Variants in STAB2 observed in about 807,000 individuals in gnomAD.
The protein encoded by STAB2 is stabilin-2.
Under a neutral mutation model 338.1 loss-of-function variants are expected in STAB2, and 288 were observed. That is an observed-to-expected ratio of 0.85 (90% CI 0.77 to 0.94). STAB2 has a LOEUF of 0.94. STAB2 is among the 40% of genes least tolerant of loss of function. STAB2 has a pLI of 0.00. For missense variants in STAB2, 3,141 were observed against 3,210.1 expected (o/e 0.98, Z 0.52); for synonymous variants, 1,202 against 1,193.3 (o/e 1.01, Z -0.15).
intron 28 of STAB2, 138 bp from the exon 29 acceptor site, chr12:103,689,708 G>A: frequency 9.7e-7 from 1 of 1,026,072 alleles, no homozygotes. Context: ...CAGCCAGTGG[G>A]TGGGGTGGAT....
chr12:103,720,482 G>A (rs10861080), intron 44 of STAB2, among the ~76,000 whole-genome samples: 41,911 of 152,070 alleles, frequency 0.28, 9,285 homozygotes, highest in African/African-American at 0.62. Flanking sequence ...CAGTGTTGAC[G>A]GTACTCCTGA....
At chr12:103,677,884 C>T (rs927958694) in intron 25 of STAB2, among the ~76,000 whole-genome samples, 10 of 152,172 alleles carry the variant, frequency 6.6e-5, no homozygotes, top group African/African-American at 1.9e-4. Flanking sequence ...ACTCCAGGGC[C>T]GCCCTCTTAG....
intron 5 of STAB2, 108 bp downstream of exon 5, chr12:103,622,219 A>G: frequency 8.3e-7 from 1 of 1,198,188 alleles, no homozygotes; most frequent in Non-Finnish European, 1.2e-6. Flanking sequence ...ATAAAAAAGA[A>G]ATTTCAGCAG....
intron 5 of STAB2, among the ~76,000 whole-genome samples, chr12:103,623,713 T>C (rs1356583228): frequency 2.0e-5 from 3 of 152,182 alleles, no homozygotes; most frequent in Non-Finnish European, 4.4e-5. Context: ...ACAATAACTT[T>C]GTGTGGTTTT....
At chr12:103,711,240 A>G in intron 39 of STAB2, 1 of 579,712 alleles carries the variant, frequency 1.7e-6, no homozygotes. Flanking sequence ...CTCACTGCCT[A>G]GCACAGGGCC....
intron 23 of STAB2, 143 bp from the exon 24 acceptor site, chr12:103,675,785 G>A (rs943140102): frequency 3.2e-5 from 19 of 590,664 alleles, no homozygotes; most frequent in South Asian, 1.6e-4. Flanking sequence ...GAAGTACCCC[G>A]ACCACATTTG....
At chr12:103,752,283 G>A (rs1238168739) in intron 60 of STAB2, among the ~76,000 whole-genome samples, 1 of 152,110 alleles carries the variant, frequency 6.6e-6, no homozygotes, top group East Asian at 1.9e-4. Context: ...AAGAGACAAG[G>A]AACACTTTTC....
At chr12:103,729,110 A>G (rs1881439116) in intron 48 of STAB2, 115 bp downstream of exon 48, 2 of 949,118 alleles carry the variant, frequency 2.1e-6, no homozygotes, top group Non-Finnish European at 3.2e-6. Flanking sequence ...AGAAAACCCA[A>G]TGCTGCATGT....
intron 3 of STAB2, among the ~76,000 whole-genome samples, chr12:103,596,655 C>T (rs539909639): frequency 6.6e-6 from 1 of 152,266 alleles, no homozygotes; most frequent in East Asian, 1.9e-4. Flanking sequence ...AATAAAATGA[C>T]ACTCCTCTGA....
In STAB2 at chr12:103,677,545, C is replaced by T; in HGVS notation, c.2739C>T (p.Asn913=). The T allele has an allele frequency of 6.2e-7, 1 of 1,614,230 alleles. No individual in the cohort carries two copies. The highest frequency in any genetic ancestry group is 8.5e-7 in the Non-Finnish European group (1 of 1,180,034). Residue 913 remains asparagine (N), a synonymous_variant, in exon 25 of 69, where the codon AAC becomes AAT. Transcript: ENST00000388887. ...GNGRDCSEIN[N]CLLPSAGGCH... is the part of the protein sequence containing the mutation. ...GGAGAGACTGCTCGGAGATCAACAA[C>T]TGCCTGCTGCCCAGTGCAGGCGGCT... is the stretch of plus-strand genomic sequence containing the variant.
In STAB2 at chr12:103,684,981, T is replaced by A. The variant is rs767505592; in HGVS notation, c.2902-8T>A. ...GGGTAACCATTTCTTTCATCTTGGT[T>A]TTCTCAGGCAAGCTGTCAATCTACT... On this transcript the variant is annotated splice_polypyrimidine_tract_variant and splice_region_variant and intron_variant, in intron 26 of 68. Coordinates refer to ENST00000388887, the MANE Select transcript of STAB2 (RefSeq NM_017564.10). The A allele has an allele frequency of 1.9e-6, 3 of 1,613,634 alleles. No individual in the cohort carries two copies. The South Asian group carries it at 3.3e-5, about 18-fold the overall frequency.
chr12:103,739,701 C>A (rs2139116534), intron 54 of STAB2, among the ~76,000 whole-genome samples: 1 of 152,274 alleles, frequency 6.6e-6, no homozygotes, highest in East Asian at 1.9e-4. Flanking sequence ...CTAGAAAAGT[C>A]ATGGGATGGT....
chr12:103,717,837 T>A lies in STAB2; in HGVS notation c.4679T>A (p.Leu1560Ter). ...GTCTGCACACTCATCAATGTCTGCT[T>A]AACTGTGAGTATGGCTCTAGGGTGG... is the stretch of plus-strand genomic sequence containing the variant. ...GKVCTLINVC[L>*]TKNGGCSEFA... The change falls in exon 44 of 69, where the codon TTA (leucine) becomes TAA (stop). Residue 1560 changes from leucine (L) to a stop codon, truncating the protein, a stop_gained. Transcript: ENST00000388887. LOFTEE classifies it high-confidence loss of function. 1 of 1,614,048 alleles carries A rather than the reference T, an allele frequency of 6.2e-7. No homozygotes were observed. Among genetic ancestry groups the A allele is most frequent in the South Asian group, 1.1e-5 (1 of 91,084 alleles).
At chr12:103,672,758 G>A (rs149906347) in intron 22 of STAB2, among the ~76,000 whole-genome samples, 11 of 152,206 alleles carry the variant, frequency 7.2e-5, no homozygotes, top group Admixed American at 2.0e-4. Flanking sequence ...GAGGTGGCCC[G>A]TGTTACAATT....
Position 103,726,843 on chromosome 12 carries a change from T to C in STAB2, c.4852-424T>C, listed in dbSNP as rs182243505. 7.9e-5 allele frequency among the ~76,000 whole-genome samples: 12 copies of C among 152,282 alleles called. No homozygotes were observed. In the East Asian group the frequency reaches 1.7e-3, roughly 22 times the overall value. On this transcript the variant is annotated intron_variant, in intron 46 of 68. Coordinates refer to ENST00000388887, the MANE Select transcript of STAB2 (RefSeq NM_017564.10). Reference sequence around the variant, plus strand: ...AGAAAATATGCTCATAGTAACCATATGATCTTAGAATTGCAAGAAGACAAT... The same window carrying C: ...AGAAAATATGCTCATAGTAACCATACGATCTTAGAATTGCAAGAAGACAAT...
intron 3 of STAB2, among the ~76,000 whole-genome samples, chr12:103,605,537 G>A (rs543688139): frequency 9.9e-5 from 15 of 151,884 alleles, no homozygotes; most frequent in African/African-American, 3.6e-4. Context: ...AAGACTACTT[G>A]TTCTATTGAT....
rs1391394020 is a variant in STAB2, at chr12:103,704,544, T to C, written c.3844-14T>C. The C allele has an allele frequency of 1.2e-6, 2 of 1,611,840 alleles. No individual in the cohort carries two copies. The highest frequency in any genetic ancestry group is 2.2e-5 in the East Asian group (1 of 44,842). Reference sequence around the variant, plus strand: ...TAAAGTTAATTACATTGATTGCTTTTGTGTTTTACCAAGGGAAGATGTAGG... The same window carrying C: ...TAAAGTTAATTACATTGATTGCTTTCGTGTTTTACCAAGGGAAGATGTAGG... On this transcript the variant is annotated splice_polypyrimidine_tract_variant and intron_variant, in intron 35 of 68. Transcript: ENST00000388887.
chr12:103,757,401 T>C (rs1184006390), intron 63 of STAB2, among the ~76,000 whole-genome samples: 3 of 152,204 alleles, frequency 2.0e-5, no homozygotes, highest in Non-Finnish European at 4.4e-5. Context: ...TCAGTGAATA[T>C]TTAGCACTTA....
At chr12:103,696,617 G>A (rs1455995462) in intron 33 of STAB2, among the ~76,000 whole-genome samples, 1 of 152,134 alleles carries the variant, frequency 6.6e-6, no homozygotes, top group Non-Finnish European at 1.5e-5. Context: ...AAAATCCTTT[G>A]ACAAACTTTG....
Sources: gnomAD v4.1 joint callset for allele counts (sites outside exome capture counted in the v4.1 genomes callset) on GRCh38, gnomAD v4.1.1 for gene constraint, MANE v1.5 for transcripts, NCBI Gene and HGNC (gene_info 2026-07-23, HGNC 2026-07-21) for gene names.